CCDC144A: variants seen among roughly 807,000 people sequenced by gnomAD.
CCDC144A encodes the protein coiled-coil domain-containing protein 144A.
CCDC144A carries 41 observed loss-of-function variants against 143.8 expected under a neutral mutation model. The observed-to-expected ratio is 0.29, with a 90% CI of 0.22 to 0.37. The LOEUF (loss-of-function observed/expected upper bound fraction) is 0.37, where lower values mean the gene tolerates loss of function less well. CCDC144A is among the 10% of genes least tolerant of loss of function. The pLI, the probability that CCDC144A is intolerant of heterozygous loss-of-function variation, is 1.00. For missense variants in CCDC144A, 637 were observed against 1,488.8 expected (o/e 0.43, Z 9.41); for synonymous variants, 242 against 517.9 (o/e 0.47, Z 7.23).
At chr17:16,746,013 C>T in intron 12 of CCDC144A, 2 of 1,611,714 alleles carry the variant, frequency 1.2e-6, no homozygotes, top group Non-Finnish European at 1.7e-6. Flanking sequence ...TTCTTGAGAT[C>T]TCTCCACATC....
In CCDC144A at chr17:16,709,622, A is replaced by T; in HGVS notation, c.1565A>T (p.Gln522Leu). The change falls in exon 5 of 17, where the codon CAA becomes CTA. Residue 522 changes from glutamine to leucine, a missense_variant. Physicochemically the swap from Gln to Leu is moderately radical, Grantham distance 113. Coordinates refer to ENST00000399273, the MANE Select transcript of CCDC144A (RefSeq NM_001382000.1). Reference protein sequence around the residue: ...EFLALKKEDVQLHKDVEEEME... With the variant: ...EFLALKKEDVLLHKDVEEEME... The stretch of plus-strand genomic sequence containing the variant: ...CTGGCTTTGAAGAAAGAAGATGTTC[A>T]ACTTCATAAAGATGTAGGGTTTTAC... 6.2e-7 allele frequency: 1 copy of T among 1,611,468 alleles called. No individual in the cohort carries two copies. Among genetic ancestry groups the T allele is most frequent in the Non-Finnish European group, 8.5e-7 (1 of 1,179,584 alleles).
intron 6 of CCDC144A, among the ~76,000 whole-genome samples, chr17:16,718,417 G>T (rs971614897): frequency 1.3e-5 from 2 of 152,140 alleles, no homozygotes; most frequent in African/African-American, 4.8e-5. Context: ...AATTTTGTAT[G>T]TCTAAGTGTT....
At chr17:16,705,876 G>A (rs553438268) in intron 3 of CCDC144A, 4 of 176,100 alleles carry the variant, frequency 2.3e-5, no homozygotes, top group South Asian at 1.2e-4. Context: ...TCAGTAGTTC[G>A]AGACCAGCCT....
the CCDC144A span, among the ~76,000 whole-genome samples, chr17:16,674,536 C>T: frequency 1.5e-5 from 2 of 133,330 alleles, no homozygotes; most frequent in African/African-American, 5.7e-5. Flanking sequence ...CAAAACCTGT[C>T]GAAAGAAAGA....
At chr17:16,702,281 A>G (rs1911779029) in intron 2 of CCDC144A, among the ~76,000 whole-genome samples, 1 of 152,144 alleles carries the variant, frequency 6.6e-6, no homozygotes, top group Non-Finnish European at 1.5e-5. Flanking sequence ...TTCTCACTGA[A>G]TGAACGGTGT....
the CCDC144A span, among the ~76,000 whole-genome samples, chr17:16,674,310 A>G: frequency 6.6e-6 from 1 of 152,132 alleles, no homozygotes; most frequent in South Asian, 2.1e-4. Flanking sequence ...GCTACTTGAG[A>G]GGCTGAGAGG....
In CCDC144A at chr17:16,773,691, A is replaced by G; in HGVS notation, c.*58A>G. The G allele has an allele frequency of 5.1e-6, 7 of 1,383,646 alleles. No individual in the cohort carries two copies. The highest frequency in any genetic ancestry group is 1.6e-5 in the South Asian group (1 of 62,418). The allele number at this position is 1,383,646 out of a possible 1,614,324, so 85.7% of individuals were successfully genotyped here. A position where few individuals can be genotyped will look rare whatever the true frequency, so the allele number is the denominator to read the frequency against. On this transcript the variant is annotated 3_prime_UTR_variant, in exon 17 of 17. Transcript: ENST00000399273. ...TGATATTTTGTTTCCCATTAAATAT[A>G]TGATGTGAACATTTTTACTAAAGGG...
At chr17:16,753,953 T>C (rs1195037925) in intron 12 of CCDC144A, among the ~76,000 whole-genome samples, 2 of 152,266 alleles carry the variant, frequency 1.3e-5, no homozygotes, top group African/African-American at 2.4e-5. Flanking sequence ...CAGAGTAACT[T>C]ACCCAGTTTT....
intron 11 of CCDC144A, 142 bp from the exon 12 acceptor site, chr17:16,734,548 G>A (rs1913904379): frequency 1.1e-5 from 6 of 553,840 alleles, no homozygotes; most frequent in Middle Eastern, 8.7e-4. Context: ...GCTCTATGAG[G>A]TTTGAAGTTT....
At chr17:16,671,978 G>A in the CCDC144A span, among the ~76,000 whole-genome samples, 1 of 152,092 alleles carries the variant, frequency 6.6e-6, no homozygotes, top group Non-Finnish European at 1.5e-5. Context: ...TACAGTTTAA[G>A]TAAAGCTACA....
In CCDC144A at chr17:16,726,274, G is replaced by C. The variant is rs1314648572; in HGVS notation, c.1892-1253G>C. On this transcript the variant is annotated intron_variant, in intron 8 of 16. Transcript: ENST00000399273. ...CAGGCGCCTGTAGTCCCAGCTATTC[G>C]GGAGCCTGAGGCAGGAGAATGGCGT... 5.3e-5 allele frequency among the ~76,000 whole-genome samples: 8 copies of C among 151,354 alleles called. No homozygotes were observed. The East Asian group carries it at 1.6e-3, about 30-fold the overall frequency.
intron 2 of CCDC144A, among the ~76,000 whole-genome samples, chr17:16,701,055 A>G (rs1911705703): frequency 6.6e-6 from 1 of 152,176 alleles, no homozygotes; most frequent in Non-Finnish European, 1.5e-5. Context: ...GTGTTTTTAT[A>G]TGCTTCAATT....
chr17:16,708,361 T>C (rs1248790160), intron 4 of CCDC144A, among the ~76,000 whole-genome samples: 1 of 152,176 alleles, frequency 6.6e-6, no homozygotes, highest in East Asian at 1.9e-4. Context: ...GGAACTTACA[T>C]GTAGTAATAT....
At chr17:16,677,258 C>G in the CCDC144A span, among the ~76,000 whole-genome samples, 17,075 of 152,082 alleles carry the variant, frequency 0.11, 1,268 homozygotes, top group South Asian at 0.3. Flanking sequence ...TCAGTTGCCT[C>G]TAAAGTTCCG....
the CCDC144A span, among the ~76,000 whole-genome samples, chr17:16,682,904 T>G: frequency 1.5e-3 from 183 of 123,542 alleles, 6 homozygotes; most frequent in African/African-American, 4.0e-3. Flanking sequence ...TTTTTTTTTT[T>G]TTTTTTTTTT....
At chr17:16,745,942 C>T (rs1225448267) in intron 12 of CCDC144A, 13 of 1,604,636 alleles carry the variant, frequency 8.1e-6, no homozygotes, top group Admixed American at 5.1e-5. Context: ...CGGTCAGGCT[C>T]GTGGTGAGCT....
intron 4 of CCDC144A, among the ~76,000 whole-genome samples, chr17:16,708,295 G>A (rs1274433449): frequency 6.6e-6 from 1 of 152,130 alleles, no homozygotes; most frequent in Non-Finnish European, 1.5e-5. Flanking sequence ...TCTGATTGGT[G>A]TTGATTCGGG....
intron 12 of CCDC144A, among the ~76,000 whole-genome samples, chr17:16,758,642 T>G (rs1450643207): frequency 2.0e-5 from 3 of 152,272 alleles, no homozygotes; most frequent in African/African-American, 7.2e-5. Context: ...AACCATCCTC[T>G]GTGGCTTTTT....
At chr17:16,679,932 T>A in the CCDC144A span, among the ~76,000 whole-genome samples, 1 of 152,114 alleles carries the variant, frequency 6.6e-6, no homozygotes, top group Non-Finnish European at 1.5e-5. Context: ...TTCTTTTAAG[T>A]GAAAAATGTT....
Sources: allele counts gnomAD v4.1 joint callset (sites outside exome capture counted in the v4.1 genomes callset), GRCh38; gene constraint gnomAD v4.1.1; transcripts MANE v1.5; gene names NCBI Gene and HGNC (gene_info 2026-07-23, HGNC 2026-07-21).